The following TMEM132D variants were observed in gnomAD, a reference collection of about 807,000 sequenced individuals.
The protein encoded by TMEM132D is mature OL transmembrane protein.
Under a neutral mutation model 62.3 loss-of-function variants are expected in TMEM132D, and 21 were observed. That is an observed-to-expected ratio of 0.34 (90% CI 0.24 to 0.49). The LOEUF is 0.49. TMEM132D is among the 20% of genes least tolerant of loss of function. TMEM132D has a pLI of 0.99. For synonymous variants in TMEM132D, 621 were observed against 575.6 expected (o/e 1.08, Z -1.13); for missense variants, 1,346 against 1,402.8 (o/e 0.96, Z 0.65).
At chr12:129,327,104 T>A (rs995439121) in intron 4 of TMEM132D, among the ~76,000 whole-genome samples, 1 of 152,140 alleles carries the variant, frequency 6.6e-6, no homozygotes, top group Non-Finnish European at 1.5e-5. Context: ...GTGCTTCTGA[T>A]GGAGCGCACG....
chr12:129,298,629 T>C (rs1180803935), intron 4 of TMEM132D, among the ~76,000 whole-genome samples: 1 of 152,230 alleles, frequency 6.6e-6, no homozygotes, highest in Non-Finnish European at 1.5e-5. Flanking sequence ...TCTTTCTGTC[T>C]GGCTCCCCTA....
intron 1 of TMEM132D, among the ~76,000 whole-genome samples, chr12:129,773,470 T>G (rs1277620651): frequency 1.3e-5 from 2 of 151,906 alleles, no homozygotes; most frequent in Non-Finnish European, 2.9e-5. Context: ...GGGCTGGGAA[T>G]GAGAAAGGTT....
chr12:129,649,692 GA>G (rs1879870505), intron 2 of TMEM132D, among the ~76,000 whole-genome samples: 1 of 151,498 alleles, frequency 6.6e-6, no homozygotes. Context: ...CTATATAATA[GA>G]ATAAAAAGGT....
Position 129,086,201 on chromosome 12 carries a change from C to CGCGT in TMEM132D, c.1444-1500_1444-1499insACGC, listed in dbSNP as rs1349816832. Among the ~76,000 whole-genome samples the CGCGT allele has an allele frequency of 6.4e-3, 909 of 141,124 alleles. 5 individuals are homozygous for CGCGT. Among genetic ancestry groups the CGCGT allele is most frequent in the Middle Eastern group, 0.025 (7 of 276 alleles). The allele number at this position is 141,124 out of a possible 152,430, so 92.6% of individuals were successfully genotyped here. On this transcript the variant is annotated intron_variant, in intron 5 of 8. Transcript: ENST00000422113. ...ATCACCTCACATAGTCACGCGCGCG[C>CGCGT]GTGTGTGTGTGTGTGTGTGTGTGTG...
intron 1 of TMEM132D, among the ~76,000 whole-genome samples, chr12:129,727,124 G>A (rs910014428): frequency 6.6e-6 from 1 of 152,172 alleles, no homozygotes; most frequent in African/African-American, 2.4e-5. Context: ...TTTTTATTTT[G>A]ATGTATGATT....
chr12:129,114,780 G>T (rs1875841966), intron 5 of TMEM132D, among the ~76,000 whole-genome samples: 1 of 152,170 alleles, frequency 6.6e-6, no homozygotes, highest in African/African-American at 2.4e-5. Context: ...CACACCAGAT[G>T]TACGTGTTTT....
intron 5 of TMEM132D, among the ~76,000 whole-genome samples, chr12:129,197,857 G>A (rs1027037118): frequency 1.3e-5 from 2 of 152,296 alleles, no homozygotes; most frequent in African/African-American, 2.4e-5. Context: ...TATAACCCAT[G>A]GAATGGGAGA....
At chr12:129,126,666 T>C (rs1876223283) in intron 5 of TMEM132D, among the ~76,000 whole-genome samples, 1 of 152,176 alleles carries the variant, frequency 6.6e-6, no homozygotes, top group African/African-American at 2.4e-5. Flanking sequence ...GGGCTTATGT[T>C]ACGTATGGAA....
Position 129,108,895 on chromosome 12 carries a change from A to G in TMEM132D, c.1444-24193T>C, listed in dbSNP as rs375259878. On this transcript the variant is annotated intron_variant, in intron 5 of 8. Coordinates refer to ENST00000422113, the MANE Select transcript of TMEM132D (RefSeq NM_133448.3). ...TTCTGCTGTGTTTGCTCTATCGCATATCTGTCCACTTCCCAGCTCTCTATT... is the reference window on the plus strand; with the variant it reads ...TTCTGCTGTGTTTGCTCTATCGCATGTCTGTCCACTTCCCAGCTCTCTATT... 3.0e-4 allele frequency among the ~76,000 whole-genome samples: 45 copies of G among 152,326 alleles called. 1 individual carries two copies. The South Asian group carries it at 6.6e-3, about 22-fold the overall frequency.
At chr12:129,231,439 T>C (rs1302001304) in intron 4 of TMEM132D, among the ~76,000 whole-genome samples, 1 of 152,226 alleles carries the variant, frequency 6.6e-6, no homozygotes, top group African/African-American at 2.4e-5. Flanking sequence ...GTCCCATTCC[T>C]GAAGCTAGAG....
At chr12:129,600,191 G>A (rs185816971) in intron 2 of TMEM132D, among the ~76,000 whole-genome samples, 227 of 152,260 alleles carry the variant, frequency 1.5e-3, no homozygotes, top group African/African-American at 4.7e-3. Flanking sequence ...ATGCTCACAC[G>A]TCCTCACCAG....
chr12:129,825,490 C>T (rs148291936), intron 1 of TMEM132D, among the ~76,000 whole-genome samples: 306 of 152,304 alleles, frequency 2.0e-3, no homozygotes, highest in Non-Finnish European at 2.9e-3. Context: ...CTCCAACCAC[C>T]TTCCATAATG....
intron 3 of TMEM132D, among the ~76,000 whole-genome samples, chr12:129,355,836 G>C (rs1405628484): frequency 6.6e-6 from 1 of 152,192 alleles, no homozygotes; most frequent in African/African-American, 2.4e-5. Flanking sequence ...AGAGCCTAAA[G>C]TGCCTGAGAG....
chr12:129,244,245 G>T (rs1159375611), intron 4 of TMEM132D, among the ~76,000 whole-genome samples: 1 of 151,758 alleles, frequency 6.6e-6, no homozygotes, highest in African/African-American at 2.4e-5. Context: ...AATTAGCCGG[G>T]TGTGGTGGCG....
intron 1 of TMEM132D, among the ~76,000 whole-genome samples, chr12:129,751,317 C>T (rs975659604): frequency 2.0e-5 from 3 of 152,148 alleles, no homozygotes; most frequent in African/African-American, 4.8e-5. Context: ...GGGCACATGA[C>T]GCACTTTGAA....
chr12:129,646,026 G>A (rs899141795), intron 2 of TMEM132D, among the ~76,000 whole-genome samples: 4 of 152,256 alleles, frequency 2.6e-5, no homozygotes, highest in Non-Finnish European at 4.4e-5. Context: ...AGTCAGCAGC[G>A]TATCGGGGTG....
At chr12:129,702,014 T>C (rs1029058123) in intron 1 of TMEM132D, among the ~76,000 whole-genome samples, 3 of 152,204 alleles carry the variant, frequency 2.0e-5, no homozygotes, top group East Asian at 3.8e-4. Context: ...CATGGACCCA[T>C]TGGTAGCATG....
At chr12:129,364,650 TC>T (rs1355241636) in intron 3 of TMEM132D, among the ~76,000 whole-genome samples, 1 of 152,156 alleles carries the variant, frequency 6.6e-6, no homozygotes, top group Non-Finnish European at 1.5e-5. Flanking sequence ...TTCTGACATC[TC>T]CCCTCACCAT....
At chr12:129,819,715 T>C (rs1381704015) in intron 1 of TMEM132D, among the ~76,000 whole-genome samples, 4 of 152,324 alleles carry the variant, frequency 2.6e-5, no homozygotes, top group African/African-American at 9.6e-5. Context: ...TAAGTGTTAG[T>C]TGCTGCTGGT....
Sources: gnomAD v4.1 joint callset for allele counts (sites outside exome capture counted in the v4.1 genomes callset) on GRCh38, gnomAD v4.1.1 for gene constraint, MANE v1.5 for transcripts, NCBI Gene and HGNC (gene_info 2026-07-23, HGNC 2026-07-21) for gene names.